RNF123: variants seen among roughly 807,000 people sequenced by gnomAD.
RNF123 encodes ring finger protein 123.
Under a neutral mutation model 168.5 loss-of-function variants are expected in RNF123, and 86 were observed. The ratio of observed to expected loss-of-function variants is 0.51; its 90% confidence interval spans 0.43 to 0.61. The LOEUF (loss-of-function observed/expected upper bound fraction) is 0.61, where lower values mean the gene tolerates loss of function less well. RNF123 is among the 20% of genes least tolerant of loss of function. RNF123 has a pLI of 0.00. For synonymous variants in RNF123, 666 were observed against 689.1 expected (o/e 0.97, Z 0.52); for missense variants, 1,419 against 1,729.7 (o/e 0.82, Z 3.19).
chr3:49,698,281 C>A, intron 7 of RNF123, 144 bp downstream of exon 7: 2 of 919,548 alleles, frequency 2.2e-6, no homozygotes, highest in East Asian at 2.6e-5. Context: ...GTGTCCCACC[C>A]AATCCCAGGC....
At position 49,713,551 on chromosome 3, in the gene RNF123, G is replaced by A. The variant is rs201060216; in HGVS notation, c.2713G>A (p.Ala905Thr). 47 of 1,612,566 alleles carry A rather than the reference G, an allele frequency of 2.9e-5. No homozygotes were observed. Among genetic ancestry groups the A allele is most frequent in the South Asian group, 4.4e-5 (4 of 90,658 alleles). The change falls in exon 28 of 39, where the codon GCC becomes ACC. Residue 905 changes from alanine to threonine, a missense_variant. Physicochemically the swap from Ala to Thr is moderately conservative, Grantham distance 58. Around this residue, in one of 5 missense-constraint regions of RNF123, gnomAD observed 538 missense variants for 708.8 expected, o/e 0.76. Coordinates refer to ENST00000327697, the MANE Select transcript of RNF123 (RefSeq NM_022064.5). ...ETLTRLAAIL[A>T]KHFADARIVG... ...CCTGACCCGCCTGGCTGCCATTCTC[G>A]CCAAACACTTTGCCGACGCACGCAT...
chr3:49,693,565 C>T (rs1166664685), intron 3 of RNF123, among the ~76,000 whole-genome samples: 8 of 151,688 alleles, frequency 5.3e-5, no homozygotes, highest in Non-Finnish European at 7.4e-5. Flanking sequence ...CCATGTTGGC[C>T]AGGCTGGTCT....
intron 31 of RNF123, among the ~76,000 whole-genome samples, chr3:49,715,063 G>A (rs2080212974): frequency 6.6e-6 from 1 of 152,256 alleles, no homozygotes; most frequent in Admixed American, 6.5e-5. Context: ...TGCAGCTGAG[G>A]GCTCCGGTTA....
chr3:49,711,586 A>T (rs2108195893), intron 26 of RNF123, among the ~76,000 whole-genome samples: 1 of 152,114 alleles, frequency 6.6e-6, no homozygotes, highest in South Asian at 2.1e-4. Context: ...TCTTGCTTAC[A>T]TCTTCTCCTC....
At chr3:49,702,469 G>A in intron 19 of RNF123, 64 bp downstream of exon 19, 1 of 1,600,756 alleles carries the variant, frequency 6.2e-7, no homozygotes, top group Non-Finnish European at 8.6e-7. Flanking sequence ...CATGCCCTCA[G>A]CACCTGGCAC....
intron 12 of RNF123, 36 bp from the exon 13 acceptor site, chr3:49,700,191 A>G: frequency 6.2e-7 from 1 of 1,612,010 alleles, no homozygotes; most frequent in Admixed American, 1.7e-5. Flanking sequence ...CCAGAGTGGA[A>G]GGCCACCACC....
chr3:49,697,054 CT>C (rs764897122), intron 3 of RNF123, 88 bp from the exon 4 acceptor site: 2 of 1,131,496 alleles, frequency 1.8e-6, no homozygotes, highest in Non-Finnish European at 2.6e-6. Context: ...GGCAGCCCCC[CT>C]GTGAGCTCAG....
chr3:49,719,692 G>T (rs1329620697), intron 35 of RNF123: 4 of 515,606 alleles, frequency 7.8e-6, no homozygotes, highest in African/African-American at 2.0e-5. Context: ...CTCCAAGCGA[G>T]TTCCTGATCG....
intron 35 of RNF123, chr3:49,719,431 C>T (rs566880706): frequency 1.2e-6 from 2 of 1,613,434 alleles, no homozygotes; most frequent in African/African-American, 1.3e-5. Context: ...GCGCAGCATG[C>T]AGAGCAGTGT....
intron 18 of RNF123, 43 bp from the exon 19 acceptor site, chr3:49,702,291 G>T (rs763284632): frequency 6.2e-7 from 1 of 1,607,170 alleles, no homozygotes; most frequent in Non-Finnish European, 8.5e-7. Flanking sequence ...GTCTGGGCCT[G>T]CATTCTCAGC....
intron 35 of RNF123, chr3:49,719,650 T>G (rs2080344600): frequency 1.7e-6 from 1 of 584,752 alleles, no homozygotes; most frequent in African/African-American, 1.9e-5. Flanking sequence ...TGCGGCACTC[T>G]TAGCCGCGCT....
Position 49,705,540 on chromosome 3 carries a change from G to T in RNF123, c.2165G>T (p.Gly722Val), listed in dbSNP as rs549502290. 6.3e-7 allele frequency: 1 copy of T among 1,593,164 alleles called. No homozygotes were observed. Among genetic ancestry groups the T allele is most frequent in the Non-Finnish European group, 8.5e-7 (1 of 1,170,136 alleles). The change falls in exon 24 of 39, where the codon GGC (glycine) becomes GTC (valine). Residue 722 changes from glycine (G) to valine (V), a missense_variant. Around this residue, in one of 5 missense-constraint regions of RNF123, gnomAD observed 538 missense variants for 708.8 expected, o/e 0.76. Transcript: ENST00000327697. ...TCCCTCCCCAACTCCCCAGTTGAAG[G>T]CAGCCACTGGAATGAGGGCTTGCTG... ...VEQRTREDIE[G>V]SHWNEGLLLG... is the part of the protein sequence containing the mutation.
Position 49,697,162 on chromosome 3 carries a change from A to G in RNF123, c.187A>G (p.Asn63Asp). 6.2e-7 allele frequency: 1 copy of G among 1,614,122 alleles called. No homozygotes were observed. ...ATSRKPLNFQ[N>D]LPEHLDQLLQ... ...CCCCAGGAAACCCCTGAACTTCCAG[A>G]ACCTGCCAGAACATTTGGACCAGTT... The change falls in exon 4 of 39, where the codon AAC (asparagine) becomes GAC (aspartate). Residue 63 changes from asparagine to aspartate, a missense_variant. Asn to Asp is a conservative substitution (Grantham distance 23). Transcript: ENST00000327697.
At chr3:49,690,318 G>T (rs1396704083) in intron 1 of RNF123, among the ~76,000 whole-genome samples, 1 of 152,248 alleles carries the variant, frequency 6.6e-6, no homozygotes, top group Non-Finnish European at 1.5e-5. Context: ...TTGAAATGTG[G>T]CTAAGGCAAC....
At chr3:49,698,236 C>T in intron 7 of RNF123, 99 bp downstream of exon 7, 2 of 1,144,864 alleles carry the variant, frequency 1.7e-6, no homozygotes, top group Admixed American at 2.1e-5. Context: ...TGCCTAGGAC[C>T]CTAACTAACC....
chr3:49,703,253 G>T (rs1254905192), intron 20 of RNF123, among the ~76,000 whole-genome samples, 174 bp from the exon 21 acceptor site: 1 of 152,168 alleles, frequency 6.6e-6, no homozygotes, highest in Non-Finnish European at 1.5e-5. Flanking sequence ...GTGGAGAAGA[G>T]GTAGGGGAGG....
At chr3:49,704,813 G>C (rs1575529413) in intron 22 of RNF123, 57 bp downstream of exon 22, 7 of 1,484,420 alleles carry the variant, frequency 4.7e-6, no homozygotes, top group Admixed American at 2.3e-5. Flanking sequence ...GTATCTTATG[G>C]GCAGGGGTCT....
chr3:49,718,211 A>AGCGGCG, intron 35 of RNF123: 2 of 1,610,728 alleles, frequency 1.2e-6, no homozygotes, highest in Non-Finnish European at 1.7e-6. Flanking sequence ...GTTTGGGGCC[A>AGCGGCG]GCGGCGGCAG....
rs548992767 is a variant in RNF123, at chr3:49,712,542, C to T, written c.2560C>T (p.Arg854Cys). 16 of 1,614,196 alleles carry T rather than the reference C, an allele frequency of 9.9e-6. No individual in the cohort carries two copies. The South Asian group carries it at 1.1e-4, about 11-fold the overall frequency. The change falls in exon 27 of 39, where the codon CGC becomes TGC. Residue 854 changes from arginine to cysteine, a missense_variant. Physicochemically the swap from Arg to Cys is radical, Grantham distance 180. This residue lies in a region of RNF123 where 538 missense variants were observed against 708.8 expected (regional missense o/e 0.76). Transcript: ENST00000327697. ...CCTGCGGACCATTGAGCACGGTGAT[C>T]GCACAGGGTCTCTCTTTGCCTTCAT... is the stretch of plus-strand genomic sequence containing the variant. ...VCLRTIEHGD[R>C]TGSLFAFMPE...
Sources: gnomAD v4.1 joint callset for allele counts (sites outside exome capture counted in the v4.1 genomes callset) on GRCh38, gnomAD v4.1.1 for gene constraint, gnomAD v4.1.1 regional missense constraint, MANE v1.5 for transcripts, NCBI Gene and HGNC (gene_info 2026-07-23, HGNC 2026-07-21) for gene names.